The following TULP4 variants were observed in gnomAD, a reference collection of about 807,000 sequenced individuals.
TULP4 encodes the protein TUB like protein 4, also known as tubby-related protein 4.
A neutral mutation model predicts 129.0 loss-of-function variants in TULP4; 16 were observed. The ratio of observed to expected loss-of-function variants is 0.12; its 90% CI spans 0.08 to 0.19. The LOEUF is 0.19. Ranked by LOEUF, TULP4 falls within the 10% of genes least tolerant of loss-of-function variation. The pLI, the probability that TULP4 is intolerant of heterozygous loss-of-function variation, is 1.00. For missense variants in TULP4, 1,842 were observed against 2,059.1 expected (o/e 0.89, Z 2.04); for synonymous variants, 998 against 854.0 (o/e 1.17, Z -2.94).
intron 6 of TULP4, among the ~76,000 whole-genome samples, chr6:158,477,520 A>G (rs1024251628): frequency 1.3e-5 from 2 of 152,246 alleles, no homozygotes; most frequent in African/African-American, 4.8e-5. Flanking sequence ...AAAATGCTCA[A>G]CATCATGAAC....
Position 158,417,269 on chromosome 6 carries a change from C to G in TULP4, c.381+4076C>G, listed in dbSNP as rs376051380. Reference sequence around the variant, plus strand: ...GTGCAGTCACCACCATCCAACACTTCCCTTGTGTTTCTTTCCATTGAGGGT... The same window carrying G: ...GTGCAGTCACCACCATCCAACACTTGCCTTGTGTTTCTTTCCATTGAGGGT... On this transcript the variant is annotated intron_variant, in intron 2 of 13. Transcript: ENST00000367097. 1.2e-4 allele frequency among the ~76,000 whole-genome samples: 18 copies of G among 152,280 alleles called. No homozygotes were observed. The East Asian group carries it at 2.5e-3, about 21-fold the overall frequency.
intron 8 of TULP4, among the ~76,000 whole-genome samples, chr6:158,488,957 G>A (rs551261782): frequency 1.8e-4 from 28 of 152,272 alleles, no homozygotes; most frequent in South Asian, 4.2e-4. Context: ...GGCCCCATGC[G>A]GAGTACCCCC....
intron 9 of TULP4, among the ~76,000 whole-genome samples, chr6:158,491,518 T>TATGA (rs11281134): frequency 6.7e-6 from 1 of 149,036 alleles, no homozygotes; most frequent in African/African-American, 2.5e-5. Context: ...CTTTCTTTCT[T>TATGA]GTCTCGCTCT....
intron 1 of TULP4, among the ~76,000 whole-genome samples, chr6:158,405,114 G>C (rs1262489260): frequency 6.6e-6 from 1 of 152,134 alleles, no homozygotes; most frequent in Non-Finnish European, 1.5e-5. Flanking sequence ...GTAAAATAAT[G>C]TATGTAAAAA....
intron 1 of TULP4, among the ~76,000 whole-genome samples, chr6:158,366,127 TCTC>T (rs1411406956): frequency 1.1e-4 from 16 of 151,866 alleles, no homozygotes; most frequent in African/African-American, 3.9e-4. Context: ...ATGGTCTCGA[TCTC>T]CTGATGTCGT....
At chr6:158,237,437 T>C in intron 1 of TULP4, 1 of 1,577,348 alleles carries the variant, frequency 6.3e-7, no homozygotes, top group South Asian at 1.1e-5. Flanking sequence ...ATGATGTTAC[T>C]TGTAGAGGCA....
rs553138329 is a variant in TULP4, at chr6:158,386,633, G to A, written c.253-26432G>A. ...TTGACTGTAATTTAATATAGTCACA[G>A]AATTCAGATCAGATTTTCCTTAACT... On this transcript the variant is annotated intron_variant, in intron 1 of 13. Coordinates refer to ENST00000367097, the MANE Select transcript of TULP4 (RefSeq NM_020245.5). Among the ~76,000 whole-genome samples, 5 of 152,234 alleles carry A rather than the reference G, an allele frequency of 3.3e-5. No homozygotes were observed. The South Asian group carries it at 1.0e-3, about 32-fold the overall frequency.
In TULP4 at chr6:158,394,353, G is replaced by C. The variant is rs186751882; in HGVS notation, c.253-18712G>C. 4.6e-5 allele frequency among the ~76,000 whole-genome samples: 7 copies of C among 152,246 alleles called. No homozygotes were observed. In the South Asian group the frequency reaches 6.2e-4, roughly 14 times the overall value. ...CTTTCCCACAATCCTCCTGTCTTCT[G>C]AGCCCTCCAAACTGTTCTAACCTTT... On this transcript the variant is annotated intron_variant, in intron 1 of 13. Transcript: ENST00000367097.
At chr6:158,450,403 CAG>C (rs1240774777) in intron 4 of TULP4, among the ~76,000 whole-genome samples, 2 of 152,300 alleles carry the variant, frequency 1.3e-5, no homozygotes, top group East Asian at 3.9e-4. Flanking sequence ...TTTCCTGTCA[CAG>C]TGTGTTATGC....
intron 1 of TULP4, among the ~76,000 whole-genome samples, chr6:158,329,220 G>A (rs1779819616): frequency 1.3e-5 from 2 of 152,076 alleles, no homozygotes; most frequent in South Asian, 2.1e-4. Context: ...GACATGTGTT[G>A]TTTTTTCCAC....
chr6:158,390,079 A>C (rs574603827), intron 1 of TULP4, among the ~76,000 whole-genome samples: 1 of 152,292 alleles, frequency 6.6e-6, no homozygotes, highest in East Asian at 1.9e-4. Context: ...TCAAAAAAAA[A>C]AAAAAAATTT....
chr6:158,416,463 A>C (rs989416953), intron 2 of TULP4, among the ~76,000 whole-genome samples: 1 of 152,230 alleles, frequency 6.6e-6, no homozygotes, highest in Non-Finnish European at 1.5e-5. Context: ...AAAGAAAAAA[A>C]AAATTAATAG....
intron 1 of TULP4, among the ~76,000 whole-genome samples, chr6:158,252,660 C>T (rs1007422457): frequency 2.0e-5 from 3 of 152,216 alleles, no homozygotes; most frequent in Non-Finnish European, 4.4e-5. Flanking sequence ...AGGTGTGAGC[C>T]ACCGCGCCCA....
At chr6:158,353,136 C>T (rs1041342172) in intron 1 of TULP4, among the ~76,000 whole-genome samples, 3 of 152,226 alleles carry the variant, frequency 2.0e-5, no homozygotes, top group Non-Finnish European at 4.4e-5. Flanking sequence ...CTGTCCCCAT[C>T]GACCTCCCAG....
intron 1 of TULP4, among the ~76,000 whole-genome samples, chr6:158,331,769 ACG>A (rs59395880): frequency 0.11 from 3,188 of 28,950 alleles, 508 homozygotes; most frequent in East Asian, 0.21. Flanking sequence ...GTATATATAC[ACG>A]TATATATACA....
At chr6:158,402,790 T>C (rs1046539053) in intron 1 of TULP4, among the ~76,000 whole-genome samples, 3 of 152,150 alleles carry the variant, frequency 2.0e-5, no homozygotes, top group Non-Finnish European at 2.9e-5. Context: ...TTGTAAAAGG[T>C]CTTCAGGTTA....
chr6:158,334,285 C>G (rs1779982787), intron 1 of TULP4, among the ~76,000 whole-genome samples: 1 of 152,302 alleles, frequency 6.6e-6, no homozygotes. Flanking sequence ...GGAGACAGGT[C>G]TGCAGCTGGG....
chr6:158,331,740 TATACGTGTATATAC>T (rs145722059), intron 1 of TULP4, among the ~76,000 whole-genome samples: 2 of 24,996 alleles, frequency 8.0e-5, no homozygotes, highest in Admixed American at 6.5e-4. Flanking sequence ...TACGTATATA[TATACGTGTATATAC>T]ACGTGTATAT....
At chr6:158,472,038 TC>T (rs1254919651) in intron 6 of TULP4, among the ~76,000 whole-genome samples, 1 of 152,186 alleles carries the variant, frequency 6.6e-6, no homozygotes, top group Non-Finnish European at 1.5e-5. Flanking sequence ...GGAATGTCCT[TC>T]CCGCCGTTTT....
Sources: gnomAD v4.1 joint callset for allele counts (sites outside exome capture counted in the v4.1 genomes callset) on GRCh38, gnomAD v4.1.1 for gene constraint, MANE v1.5 for transcripts, NCBI Gene and HGNC (gene_info 2026-07-23, HGNC 2026-07-21) for gene names.